LGR6: variants seen among roughly 807,000 people sequenced by gnomAD.
LGR6 encodes the protein leucine-rich repeat-containing G protein-coupled receptor 6.
A neutral mutation model predicts 69.4 loss-of-function variants in LGR6; 45 were observed. The observed-to-expected ratio is 0.65, with a 90% CI of 0.51 to 0.83. LGR6 has a LOEUF of 0.83. Among genes scored for constraint, LGR6 ranks in the 40% least tolerant of loss-of-function variants. LGR6 has a pLI of 0.00. For missense variants in LGR6, 1,108 were observed against 1,246.7 expected (o/e 0.89, Z 1.68); for synonymous variants, 538 against 555.0 (o/e 0.97, Z 0.43).
intron 4 of LGR6, among the ~76,000 whole-genome samples, chr1:202,260,296 A>T (rs1187748542): frequency 6.6e-6 from 1 of 151,904 alleles, no homozygotes; most frequent in East Asian, 1.9e-4. Context: ...GTCTCAGCCT[A>T]CCAAAGTGTT....
intron 6 of LGR6, among the ~76,000 whole-genome samples, chr1:202,294,632 G>C (rs919366501): frequency 1.7e-4 from 26 of 152,184 alleles, no homozygotes; most frequent in Non-Finnish European, 2.2e-4. Flanking sequence ...ATAGTGGTGG[G>C]AGCATTCCAA....
At position 202,194,216 on chromosome 1, in the gene LGR6, C is replaced by T. The variant is rs747977821; in HGVS notation, c.212+15C>T. 1 of 1,523,778 alleles carries T rather than the reference C, an allele frequency of 6.6e-7. No homozygotes were observed. Among genetic ancestry groups the T allele is most frequent in the Non-Finnish European group, 8.8e-7 (1 of 1,139,448 alleles). The allele number at this position is 1,523,778 out of a possible 1,614,324, so 94.4% of individuals were successfully genotyped here. On this transcript the variant is annotated intron_variant, in intron 1 of 17. Coordinates refer to ENST00000367278, the MANE Select transcript of LGR6 (RefSeq NM_001017403.2). ...ACGGCTTACCTGTGAGTACTGCCCGCCTGTCCCCGCCTGGTCCTGCGGGCT... is the reference window on the plus strand; with the variant it reads ...ACGGCTTACCTGTGAGTACTGCCCGTCTGTCCCCGCCTGGTCCTGCGGGCT...
intron 4 of LGR6, among the ~76,000 whole-genome samples, chr1:202,236,808 A>G (rs891741671): frequency 6.6e-6 from 1 of 152,062 alleles, no homozygotes; most frequent in East Asian, 1.9e-4. Context: ...GGGGAAACTG[A>G]GTCATAGTGG....
intron 1 of LGR6, among the ~76,000 whole-genome samples, chr1:202,198,667 GGTTTTTTTTTTT>G (rs61136828): frequency 0.3 from 26,166 of 87,716 alleles, 2,769 homozygotes; most frequent in East Asian, 0.47. Flanking sequence ...AGTAATTTTA[GGTTTTTTTTTTT>G]TTTTTTTTTT....
chr1:202,276,333 G>T lies in LGR6; in HGVS notation c.456G>T (p.Leu152=), dbSNP rs769967735. The T allele has an allele frequency of 1.4e-5, 23 of 1,613,924 alleles. No individual in the cohort carries two copies. The highest frequency in any genetic ancestry group is 1.9e-5 in the Non-Finnish European group (23 of 1,179,978). The change falls in exon 5 of 18, where the codon CTG becomes CTT. Residue 152 remains leucine, a synonymous_variant. Coordinates refer to ENST00000367278, the MANE Select transcript of LGR6 (RefSeq NM_001017403.2). ...SLRLDANLIS[L]VPERSFEGLS... ...GCCTAGATGCCAACCTCATCTCCCT[G>T]GTCCCGGAGAGGAGCTTTGAGGGGC... is the stretch of plus-strand genomic sequence containing the variant.
At chr1:202,301,353 A>G in intron 9 of LGR6, 118 bp downstream of exon 9, 1 of 856,572 alleles carries the variant, frequency 1.2e-6, no homozygotes, top group Non-Finnish European at 1.9e-6. Flanking sequence ...TCCACTGCAA[A>G]GCGTGGTCTT....
chr1:202,224,610 A>G (rs951220465), intron 1 of LGR6, among the ~76,000 whole-genome samples: 1 of 152,170 alleles, frequency 6.6e-6, no homozygotes, highest in African/African-American at 2.4e-5. Flanking sequence ...ATCATCAGGC[A>G]TTAGTTAGAG....
chr1:202,249,550 A>G (rs969708843), intron 4 of LGR6, among the ~76,000 whole-genome samples: 1 of 152,218 alleles, frequency 6.6e-6, no homozygotes, highest in Non-Finnish European at 1.5e-5. Context: ...CTCCACTTGC[A>G]TGACTCACGG....
At chr1:202,264,528 G>A (rs944884171) in intron 4 of LGR6, among the ~76,000 whole-genome samples, 15 of 152,188 alleles carry the variant, frequency 9.9e-5, no homozygotes, top group Non-Finnish European at 2.9e-5. Context: ...ATCTCAGACA[G>A]CCCACGAAGG....
At chr1:202,231,489 G>T (rs772232334) in intron 3 of LGR6, among the ~76,000 whole-genome samples, 2 of 152,170 alleles carry the variant, frequency 1.3e-5, no homozygotes, top group Non-Finnish European at 2.9e-5. Flanking sequence ...TAGCTCTGTG[G>T]ATCTCATGTG....
At chr1:202,227,237 C>A (rs1204067666) in intron 2 of LGR6, among the ~76,000 whole-genome samples, 4 of 152,212 alleles carry the variant, frequency 2.6e-5, no homozygotes, top group Non-Finnish European at 4.4e-5. Flanking sequence ...TTGGTAGGAA[C>A]TGATGCACAA....
chr1:202,284,951 G>A (rs1002683475), intron 6 of LGR6, among the ~76,000 whole-genome samples: 31 of 152,290 alleles, frequency 2.0e-4, no homozygotes, highest in African/African-American at 3.4e-4. Flanking sequence ...TGTGCTGGCT[G>A]GACACTTCCC....
intron 11 of LGR6, among the ~76,000 whole-genome samples, chr1:202,305,447 G>A (rs1312530164): frequency 3.3e-5 from 5 of 152,194 alleles, no homozygotes. Context: ...TCACTTCCTG[G>A]GTAGTCCCAT....
intron 4 of LGR6, among the ~76,000 whole-genome samples, chr1:202,246,738 G>T (rs1236422369): frequency 6.6e-6 from 1 of 152,126 alleles, no homozygotes; most frequent in Non-Finnish European, 1.5e-5. Context: ...TGACTAAAAT[G>T]ATGAAAACCG....
intron 1 of LGR6, among the ~76,000 whole-genome samples, chr1:202,216,266 A>G (rs1659776295): frequency 6.6e-6 from 1 of 152,234 alleles, no homozygotes. Flanking sequence ...GTTACTTACC[A>G]TGTGCTAGGC....
intron 4 of LGR6, among the ~76,000 whole-genome samples, chr1:202,254,167 C>T (rs1022716610): frequency 6.6e-6 from 1 of 152,136 alleles, no homozygotes; most frequent in Non-Finnish European, 1.5e-5. Context: ...AGGATGGTCT[C>T]CATCTCCTGG....
intron 16 of LGR6, among the ~76,000 whole-genome samples, chr1:202,311,433 G>T: frequency 6.6e-6 from 1 of 152,186 alleles, no homozygotes; most frequent in East Asian, 1.9e-4. Flanking sequence ...GCCAAGGCGG[G>T]TGGATCACTT....
At chr1:202,316,088 T>C (rs987612157) in intron 17 of LGR6, among the ~76,000 whole-genome samples, 2 of 152,160 alleles carry the variant, frequency 1.3e-5, no homozygotes. Flanking sequence ...GTCTGCTTGA[T>C]AAAAATGTGA....
At chr1:202,270,372 A>G (rs1476755055) in intron 4 of LGR6, among the ~76,000 whole-genome samples, 1 of 151,886 alleles carries the variant, frequency 6.6e-6, no homozygotes, top group African/African-American at 2.4e-5. Context: ...CCTCCCAAGT[A>G]GCTGGGATTA....
Sources: allele counts gnomAD v4.1 joint callset (sites outside exome capture counted in the v4.1 genomes callset), GRCh38; gene constraint gnomAD v4.1.1; transcripts MANE v1.5; gene names NCBI Gene and HGNC (gene_info 2026-07-23, HGNC 2026-07-21).